Variants in ZFP64 observed in about 807,000 individuals in gnomAD.
The protein encoded by ZFP64 is zinc finger protein 64.
Under a neutral mutation model 51.6 loss-of-function variants are expected in ZFP64, and 14 were observed. The observed-to-expected ratio is 0.27, with a 90% CI of 0.18 to 0.42. ZFP64 has a LOEUF of 0.42. ZFP64 is among the 10% of genes least tolerant of loss of function. The pLI is 1.00. For missense variants in ZFP64, 754 were observed against 906.8 expected, an observed-to-expected ratio of 0.83 and a Z score of 2.16; for synonymous variants, 375 against 361.4, an observed-to-expected ratio of 1.04 and a Z score of -0.43.
intron 1 of ZFP64, among the ~76,000 whole-genome samples, chr20:52,190,833 G>C (rs890068092): frequency 6.6e-6 from 1 of 152,150 alleles, no homozygotes; most frequent in Non-Finnish European, 1.5e-5. Context: ...CAAACTTCAT[G>C]TGCTTCAGAG....
Position 52,152,224 on chromosome 20 carries a change from T to C in ZFP64, c.1968A>G (p.Leu656=), listed in dbSNP as rs758336956. The part of the protein sequence containing the change: ...PVFSSSSQQE[L]PKQTYSIIQG... ...GAATGATGGAGTAGGTCTGCTTGGG[T>C]AGTTCTTGCTGGGAAGAGGAGGAGA... is the stretch of plus-strand genomic sequence containing the variant. The change falls in exon 6 of 6, where the codon CTA becomes CTG. Residue 656 remains leucine (L), a synonymous_variant. Transcript: ENST00000216923. The C allele has an allele frequency of 6.4e-5, 104 of 1,614,044 alleles. No individual in the cohort carries two copies. Among genetic ancestry groups the C allele is most frequent in the Middle Eastern group, 4.9e-4 (3 of 6,062 alleles).
rs745477499 is a variant in ZFP64, at chr20:52,097,128, C to T, written c.976+245G>A. ...CTGGCTGCCCTAAAAAAAAAAGCAC[C>T]TTTAAGAAGCCACCTTATTGCTCTA... On this transcript the variant is annotated intron_variant, in intron 7 of 8. Transcript: ENST00000361387. 4.3e-5 allele frequency: 33 copies of T among 765,322 alleles called. No individual in the cohort carries two copies. In the African/African-American group the frequency reaches 5.5e-4, roughly 13 times the overall value. The allele number at this position is 765,322 out of a possible 1,614,324, so 47.4% of individuals were successfully genotyped here.
intron 7 of ZFP64, among the ~76,000 whole-genome samples, chr20:52,089,691 A>G (rs2078901722): frequency 2.0e-5 from 3 of 151,520 alleles, no homozygotes; most frequent in Admixed American, 6.6e-5. Context: ...TTGTGAGCAC[A>G]GATCGTGCCA....
At chr20:52,137,471 C>A (rs1349633019) in intron 5 of ZFP64, among the ~76,000 whole-genome samples, 1 of 152,130 alleles carries the variant, frequency 6.6e-6, no homozygotes, top group Non-Finnish European at 1.5e-5. Flanking sequence ...ATTCATCTGC[C>A]AGGACAAAAG....
intron 5 of ZFP64, among the ~76,000 whole-genome samples, chr20:52,101,894 G>A (rs1024645311): frequency 6.6e-4 from 94 of 142,016 alleles, no homozygotes; most frequent in Non-Finnish European, 1.2e-3. Context: ...TGAGGCAGGC[G>A]TCCCATCCTG....
chr20:52,152,993 G>A lies in ZFP64; in HGVS notation c.1199C>T (p.Thr400Ile), dbSNP rs1163173907. ...GGTGTCCTTCCTCTCTAGAGCCTCA[G>A]TCTTAACCATGTCCCCATGGAACTT... ...MKKFHGDMVK[T>I]EALERKDTGR... Residue 400 changes from threonine to isoleucine, a missense_variant, in exon 6 of 6, where the codon ACT (threonine) becomes ATT (isoleucine). This residue lies in a region of ZFP64 where 428 missense variants were observed against 472.4 expected (regional missense o/e 0.91). Transcript: ENST00000216923. 9.3e-6 allele frequency: 15 copies of A among 1,613,812 alleles called. No homozygotes were observed. Among genetic ancestry groups the A allele is most frequent in the Non-Finnish European group, 1.2e-5 (14 of 1,180,050 alleles).
At chr20:52,115,411 GCTT>G (rs1377640375) in intron 5 of ZFP64, among the ~76,000 whole-genome samples, 41 of 143,558 alleles carry the variant, frequency 2.9e-4, no homozygotes, top group African/African-American at 1.0e-3. Context: ...GCTCGCTACA[GCTT>G]TTTTTTTTTT....
chr20:52,106,789 A>G (rs548037635), intron 5 of ZFP64, among the ~76,000 whole-genome samples: 3 of 152,342 alleles, frequency 2.0e-5, no homozygotes, highest in East Asian at 3.9e-4. Context: ...ACGGATCTGT[A>G]AAGACATTTG....
At chr20:52,125,888 GT>G (rs973864680) in intron 5 of ZFP64, among the ~76,000 whole-genome samples, 70 of 146,330 alleles carry the variant, frequency 4.8e-4, no homozygotes, top group African/African-American at 1.3e-3. Flanking sequence ...ATGGTTTTTT[GT>G]TTTTTTTTTT....
Position 52,152,815 on chromosome 20 carries a change from G to T in ZFP64, c.1377C>A (p.Thr459=), listed in dbSNP as rs772987952. Residue 459 remains threonine, a synonymous_variant, in exon 6 of 6, where the codon ACC becomes ACA. Transcript: ENST00000216923. ...TGGGGTCGATCTGAAACTGGAGAAC[G>T]GTCACGTCCGAGTTCTTACTCTCAC... ...EYSESKNSDV[T]VLQFQIDPSK... 5.6e-6 allele frequency: 9 copies of T among 1,612,698 alleles called. No homozygotes were observed. The African/African-American group carries it at 8.0e-5, about 14-fold the overall frequency.
intron 5 of ZFP64, among the ~76,000 whole-genome samples, chr20:52,159,778 A>T (rs1981620877): frequency 6.6e-6 from 1 of 151,816 alleles, no homozygotes; most frequent in Non-Finnish European, 1.5e-5. Context: ...CTTGAGGTCA[A>T]TAGTTCAAGA....
intron 2 of ZFP64, among the ~76,000 whole-genome samples, chr20:52,175,208 T>C (rs1378645275): frequency 2.0e-5 from 3 of 152,198 alleles, no homozygotes; most frequent in African/African-American, 7.2e-5. Context: ...CTGCAATATC[T>C]GCCTCCCAGG....
intron 5 of ZFP64, among the ~76,000 whole-genome samples, chr20:52,101,620 C>G (rs1287228290): frequency 1.3e-5 from 2 of 152,030 alleles, no homozygotes; most frequent in Non-Finnish European, 2.9e-5. Flanking sequence ...GTTGCCCATG[C>G]TGGTCTCAAA....
chr20:52,107,981 T>C (rs1978353886), intron 5 of ZFP64, among the ~76,000 whole-genome samples: 1 of 152,244 alleles, frequency 6.6e-6, no homozygotes, highest in South Asian at 2.1e-4. Context: ...GTTCTGGCAC[T>C]TTGGGAAGCT....
In ZFP64 at chr20:52,116,769, T is replaced by A. The variant is rs556798463; in HGVS notation, c.764-18182A>T. On this transcript the variant is annotated intron_variant, in intron 5 of 8. Transcript: ENST00000361387. ...AACATAATTTGTATAACATCATCTCTATATACATTTTAACACGAGGCTGGG... is the reference window on the plus strand; with the variant it reads ...AACATAATTTGTATAACATCATCTCAATATACATTTTAACACGAGGCTGGG... 5.3e-5 allele frequency among the ~76,000 whole-genome samples: 8 copies of A among 152,300 alleles called. No individual in the cohort carries two copies. The East Asian group carries it at 1.5e-3, about 29-fold the overall frequency.
chr20:52,139,087 G>T (rs1980125255), intron 5 of ZFP64, among the ~76,000 whole-genome samples: 2 of 152,176 alleles, frequency 1.3e-5, no homozygotes, highest in South Asian at 4.1e-4. Flanking sequence ...CTGCTTGTGG[G>T]AATGTAACTT....
Position 52,151,410 on chromosome 20 carries a change from T to C in ZFP64, c.*736A>G, listed in dbSNP as rs1980787482. The C allele has an allele frequency of 1.0e-6, 1 of 985,272 alleles. No homozygotes were observed. The highest frequency in any genetic ancestry group is 4.7e-5 in the South Asian group (1 of 21,288). 61.0% of individuals were successfully genotyped at this position (985,272 alleles called of 1,614,324 possible). On this transcript the variant is annotated 3_prime_UTR_variant, in exon 6 of 6. Coordinates refer to ENST00000216923, the MANE Select transcript of ZFP64 (RefSeq NM_018197.3). ...GGTCCTTCATGCCAACAGACTTACA[T>C]GTATAAAACATGAACACCCCCAAAC...
rs1402573601 is a variant in ZFP64 at position 52,152,582 on chromosome 20, T to A, written c.1610A>T (p.Asn537Ile). The A allele has an allele frequency of 9.0e-6, 14 of 1,554,312 alleles. No individual in the cohort carries two copies. In the Admixed American group the frequency reaches 2.4e-4, roughly 26 times the overall value. The change falls in exon 6 of 6, where the codon AAC (asparagine) becomes ATC (isoleucine). Residue 537 changes from asparagine to isoleucine, a missense_variant. By Grantham distance (149) the Asn-to-Ile change is moderately radical (BLOSUM62 -3). Coordinates refer to ENST00000216923, the MANE Select transcript of ZFP64 (RefSeq NM_018197.3). ...VAQNPEELPG[N>I]SRLQILRQVS... ...CTGGCGCAGGATCTGCAGCCGGCTGTTCCCTGGGAGTTCCTCTGGGTTCTG... is the reference window on the plus strand; with the variant it reads ...CTGGCGCAGGATCTGCAGCCGGCTGATCCCTGGGAGTTCCTCTGGGTTCTG...
intron 5 of ZFP64, among the ~76,000 whole-genome samples, chr20:52,101,217 G>A (rs978691100): frequency 6.6e-6 from 1 of 152,134 alleles, no homozygotes; most frequent in Non-Finnish European, 1.5e-5. Flanking sequence ...TACTCCCAAT[G>A]TTTCTTCCAA....
Sources: allele counts gnomAD v4.1 joint callset (sites outside exome capture counted in the v4.1 genomes callset), GRCh38; gene constraint gnomAD v4.1.1; regional missense constraint gnomAD v4.1.1; transcripts MANE v1.5; gene names NCBI Gene and HGNC (gene_info 2026-07-23, HGNC 2026-07-21).